Variants in KLF12 observed in about 807,000 individuals in gnomAD.
KLF12 encodes Krueppel-like factor 12.
Under a neutral mutation model 37.8 loss-of-function variants are expected in KLF12, and 9 were observed. That is an observed-to-expected ratio of 0.24 (90% CI 0.14 to 0.42). The LOEUF is 0.42. Ranked by LOEUF, KLF12 falls within the 10% of genes least tolerant of loss-of-function variation. KLF12 has a pLI of 1.00. For synonymous variants in KLF12, 208 were observed against 202.1 expected, an observed-to-expected ratio of 1.03 and a Z score of -0.25; for missense variants, 411 against 516.0, an observed-to-expected ratio of 0.80 and a Z score of 1.97.
intron 3 of KLF12, 147 bp downstream of exon 3, chr13:73,943,834 A>T (rs1228852788): frequency 5.0e-6 from 3 of 598,762 alleles, no homozygotes; most frequent in Non-Finnish European, 5.8e-6. Flanking sequence ...GATCAACCAC[A>T]ATCTCAGATT....
intron 5 of KLF12, chr13:73,812,873 T>A (rs1883015754): frequency 5.8e-6 from 1 of 172,344 alleles, no homozygotes. Flanking sequence ...AAAATAACAA[T>A]TTTTTTTTTT....
chr13:74,004,874 G>A (rs1892370840), intron 1 of KLF12, among the ~76,000 whole-genome samples: 1 of 151,512 alleles, frequency 6.6e-6, no homozygotes, highest in East Asian at 1.9e-4. Context: ...TGAAACTTAG[G>A]ATTAATGAAT....
intron 6 of KLF12, among the ~76,000 whole-genome samples, chr13:73,744,094 G>C (rs1878198071): frequency 6.6e-6 from 1 of 152,134 alleles, no homozygotes; most frequent in African/African-American, 2.4e-5. Flanking sequence ...CAAATGCCAA[G>C]ACCTATGGCA....
chr13:74,077,485 G>A (rs1874634844), intron 1 of KLF12, among the ~76,000 whole-genome samples: 1 of 152,066 alleles, frequency 6.6e-6, no homozygotes, highest in African/African-American at 2.4e-5. Context: ...TAATTAGGGG[G>A]CAGGGGATGA....
At chr13:74,292,166 C>G in the KLF12 span, among the ~76,000 whole-genome samples, 1 of 152,170 alleles carries the variant, frequency 6.6e-6, no homozygotes, top group Non-Finnish European at 1.5e-5. Context: ...TTTCTACCAA[C>G]AAAGTGCATG....
intron 3 of KLF12, among the ~76,000 whole-genome samples, chr13:73,943,242 A>G (rs545670359): frequency 6.8e-4 from 103 of 152,342 alleles, no homozygotes; most frequent in African/African-American, 2.3e-3. Flanking sequence ...GTTTAATAAA[A>G]TAAGTAGCCA....
At position 74,102,319 on chromosome 13, in the gene KLF12, A is replaced by G. The variant is rs539985045; in HGVS notation, c.-32+31420T>C. On this transcript the variant is annotated intron_variant, in intron 1 of 7. Transcript: ENST00000377669. ...CTTAACACTAAGTGCTTAACTCCTG[A>G]TAGCACTAAACAATTACAAAGGGGA... Among the ~76,000 whole-genome samples the G allele has an allele frequency of 3.9e-4, 59 of 152,278 alleles. No individual in the cohort carries two copies. In the South Asian group the frequency reaches 0.012, roughly 30 times the overall value.
upstream of KLF12, among the ~76,000 whole-genome samples, chr13:74,134,539 C>T (rs2139046073): frequency 6.6e-6 from 1 of 151,790 alleles, no homozygotes; most frequent in East Asian, 2.0e-4. Flanking sequence ...CGCCCCACCC[C>T]GCCCCACCCC....
chr13:73,755,376 A>T (rs1879084664), intron 6 of KLF12, among the ~76,000 whole-genome samples: 1 of 152,218 alleles, frequency 6.6e-6, no homozygotes, highest in African/African-American at 2.4e-5. Flanking sequence ...AAAACATGGT[A>T]ACATACAAGT....
chr13:74,119,469 A>C (rs1270354232), intron 1 of KLF12, among the ~76,000 whole-genome samples: 1 of 152,234 alleles, frequency 6.6e-6, no homozygotes, highest in Non-Finnish European at 1.5e-5. Context: ...AATAAATATA[A>C]GATGTAAAAG....
the KLF12 span, among the ~76,000 whole-genome samples, chr13:74,148,127 G>A: frequency 6.6e-6 from 1 of 151,884 alleles, no homozygotes; most frequent in African/African-American, 2.4e-5. Flanking sequence ...GTGTTGGCCA[G>A]GCTGGTCTCG....
rs1873792559 is a variant in KLF12, at chr13:73,691,032, TA to T, written c.*4457del. ...AATTTTTATGTACATTTCTTAACTATAAAATGCAGGCAGAGTCATATATAGT... is the reference window on the plus strand; with the variant it reads ...AATTTTTATGTACATTTCTTAACTATAAATGCAGGCAGAGTCATATATAGT... On this transcript the variant is annotated 3_prime_UTR_variant, in exon 8 of 8. Transcript: ENST00000377669. 7 of 152,660 alleles carry T rather than the reference TA, an allele frequency of 4.6e-5. No homozygotes were observed. The South Asian group carries it at 6.2e-4, about 14-fold the overall frequency. The allele number at this position is 152,660 out of a possible 1,614,324, so 9.5% of individuals were successfully genotyped here. A position where few individuals can be genotyped will look rare whatever the true frequency, so the allele number is the denominator to read the frequency against.
At chr13:73,928,345 G>A (rs1889503524) in intron 3 of KLF12, among the ~76,000 whole-genome samples, 1 of 152,216 alleles carries the variant, frequency 6.6e-6, no homozygotes, top group African/African-American at 2.4e-5. Flanking sequence ...ATTTAAGCAA[G>A]TGATCATTAT....
intron 6 of KLF12, among the ~76,000 whole-genome samples, chr13:73,752,226 A>G (rs1054081156): frequency 1.3e-5 from 2 of 152,106 alleles, no homozygotes; most frequent in African/African-American, 4.8e-5. Context: ...CAAGAGATCC[A>G]TCTGCATTGG....
intron 2 of KLF12, among the ~76,000 whole-genome samples, chr13:73,987,183 AT>A (rs1409152843): frequency 6.6e-6 from 1 of 152,184 alleles, no homozygotes; most frequent in African/African-American, 2.4e-5. Context: ...GACACAAAAA[AT>A]CACACTTCTT....
Position 73,762,340 on chromosome 13 carries a change from C to T in KLF12, c.869+2598G>A, listed in dbSNP as rs111912367. Among the ~76,000 whole-genome samples the T allele has an allele frequency of 1.3e-3, 201 of 152,260 alleles. 1 individual carries two copies. Among genetic ancestry groups the T allele is most frequent in the East Asian group, 5.8e-3 (30 of 5,182 alleles). ...AACAAGGCCAGCAGATGCTGCCTCT[C>T]GTAACAATATCATGCAAAGAAAAAT... On this transcript the variant is annotated intron_variant, in intron 6 of 7. Coordinates refer to ENST00000377669, the MANE Select transcript of KLF12 (RefSeq NM_007249.5).
At chr13:73,847,806 CAA>C (rs879644974) in intron 3 of KLF12, among the ~76,000 whole-genome samples, 1 of 152,014 alleles carries the variant, frequency 6.6e-6, no homozygotes, top group African/African-American at 2.4e-5. Flanking sequence ...TTAATCTTTT[CAA>C]AGACATTTAA....
intron 1 of KLF12, among the ~76,000 whole-genome samples, chr13:74,078,377 A>G (rs942156260): frequency 3.3e-5 from 5 of 152,324 alleles, no homozygotes; most frequent in African/African-American, 1.2e-4. Context: ...CAAAAACCAT[A>G]TTACTAAAAA....
At chr13:73,897,934 C>A (rs1440641736) in intron 3 of KLF12, among the ~76,000 whole-genome samples, 1 of 152,150 alleles carries the variant, frequency 6.6e-6, no homozygotes, top group Admixed American at 6.5e-5. Flanking sequence ...CCTATGAGCC[C>A]CTACTTGCCC....
Sources: allele counts gnomAD v4.1 joint callset (sites outside exome capture counted in the v4.1 genomes callset), GRCh38; gene constraint gnomAD v4.1.1; transcripts MANE v1.5; gene names NCBI Gene and HGNC (gene_info 2026-07-23, HGNC 2026-07-21).